Variants in POT1 observed in about 807,000 individuals in gnomAD.
The protein encoded by POT1 is protection of telomeres protein 1.
POT1 carries 47 observed loss-of-function variants against 78.5 expected under a neutral mutation model. That is an observed-to-expected ratio of 0.60 (90% CI 0.47 to 0.76). POT1 has a LOEUF of 0.76. POT1 is among the 30% of genes least tolerant of loss of function. The pLI is 0.00. For missense variants in POT1, 646 were observed against 749.9 expected (o/e 0.86, Z 1.62); for synonymous variants, 259 against 260.7 (o/e 0.99, Z 0.06).
chr7:124,846,972 C>T lies in POT1; in HGVS notation c.976G>A (p.Val326Ile), dbSNP rs1407472208. 1.9e-6 allele frequency: 3 copies of T among 1,605,984 alleles called. No individual in the cohort carries two copies. Among genetic ancestry groups the T allele is most frequent in the African/African-American group, 1.3e-5 (1 of 74,828 alleles). Reference protein sequence around the residue: ...PSSGSVSLYEVERCQQLSATI... With the variant: ...PSSGSVSLYEIERCQQLSATI... ...GCAGATAGCTGTTGACATCTTTCTA[C>T]CTCGTATAATGATACTGATCCAGAG... Residue 326 changes from valine (V) to isoleucine (I), a missense_variant, in exon 12 of 19, where the codon GTA becomes ATA. Physicochemically the swap from Val to Ile is conservative, Grantham distance 29. Transcript: ENST00000357628.
chr7:124,834,000 A>G (rs1051468061), intron 15 of POT1, among the ~76,000 whole-genome samples: 3 of 152,220 alleles, frequency 2.0e-5, no homozygotes, highest in African/African-American at 7.2e-5. Flanking sequence ...GACAAAAACA[A>G]GCAATGGGGA....
chr7:124,847,312 T>C (rs1312018704), intron 11 of POT1, among the ~76,000 whole-genome samples: 1 of 152,146 alleles, frequency 6.6e-6, no homozygotes, highest in Non-Finnish European at 1.5e-5. Flanking sequence ...CTGGCCAAAA[T>C]GGTGAAACCC....
At chr7:124,900,879 C>A (rs775024788) in intron 3 of POT1, 1 of 355,394 alleles carries the variant, frequency 2.8e-6, no homozygotes, top group South Asian at 2.2e-5. Context: ...AGGTCCCATG[C>A]CCACAGAGTT....
chr7:124,822,502 T>C lies in POT1; in HGVS notation c.*1460A>G. On this transcript the variant is annotated 3_prime_UTR_variant, in exon 19 of 19. Transcript: ENST00000357628. ...ACGTGGAGATCTTGCAGGCTCACAGTGTGAACATATGGCACCTTTGGACCT... is the reference window on the plus strand; with the variant it reads ...ACGTGGAGATCTTGCAGGCTCACAGCGTGAACATATGGCACCTTTGGACCT... The C allele has an allele frequency of 2.2e-6, 1 of 453,388 alleles. No individual in the cohort carries two copies. 28.1% of individuals were successfully genotyped at this position (453,388 alleles called of 1,614,324 possible). A position where few individuals can be genotyped will look rare whatever the true frequency, so the allele number is the denominator to read the frequency against.
chr7:124,877,024 T>A (rs1796005803), intron 6 of POT1, among the ~76,000 whole-genome samples: 1 of 152,148 alleles, frequency 6.6e-6, no homozygotes, highest in African/African-American at 2.4e-5. Context: ...GATGCAGTCT[T>A]CCAATTAAAA....
chr7:124,897,287 A>G, intron 4 of POT1, 75 bp from the exon 5 acceptor site: 2 of 509,426 alleles, frequency 3.9e-6, no homozygotes, highest in Non-Finnish European at 6.9e-6. Context: ...AGTTGTAGTA[A>G]AAGTACACAC....
At position 124,870,899 on chromosome 7, in the gene POT1, T is replaced by C. The variant is rs778962103; in HGVS notation, c.255+12A>G. 2 of 1,594,620 alleles carry C rather than the reference T, an allele frequency of 1.3e-6. No homozygotes were observed. Among genetic ancestry groups the C allele is most frequent in the South Asian group, 1.1e-5 (1 of 87,912 alleles). On this transcript the variant is annotated intron_variant, in intron 7 of 18. Transcript: ENST00000357628. ...TCAAATAAATATAAGTTCTAGACAA[T>C]ATGAATTATACCTTCAGCCTGTGAA...
chr7:124,840,964 A>G lies in POT1; in HGVS notation c.1369+9T>C, dbSNP rs1795011951. On this transcript the variant is annotated intron_variant, in intron 14 of 18. Coordinates refer to ENST00000357628, the MANE Select transcript of POT1 (RefSeq NM_015450.3). ...GTATTCTAACAAAACAGTGACTTAA[A>G]TATCTTACCTTCTATCAAAAGTAGA... 6.3e-7 allele frequency: 1 copy of G among 1,577,826 alleles called. No homozygotes were observed. Among genetic ancestry groups the G allele is most frequent in the African/African-American group, 1.4e-5 (1 of 74,056 alleles).
chr7:124,921,158 C>T (rs1797139720), intron 2 of POT1, among the ~76,000 whole-genome samples: 1 of 151,746 alleles, frequency 6.6e-6, no homozygotes, highest in Non-Finnish European at 1.5e-5. Context: ...TAAGTAAGAA[C>T]AAAAATAAAA....
chr7:124,832,970 TAGAG>T (rs1401495349), intron 15 of POT1, among the ~76,000 whole-genome samples: 1 of 151,420 alleles, frequency 6.6e-6, no homozygotes, highest in Non-Finnish European at 1.5e-5. Context: ...CAAGGCAAAA[TAGAG>T]AGAAAGGGGA....
intron 11 of POT1, among the ~76,000 whole-genome samples, chr7:124,851,607 G>A (rs1795307604): frequency 6.6e-6 from 1 of 152,154 alleles, no homozygotes; most frequent in African/African-American, 2.4e-5. Context: ...AATCAATACA[G>A]ATTTTCTTGT....
rs550056711 is a variant in POT1, at chr7:124,855,218, C to CAAAAAAAAAAAAAAAAAAAAAAAAAAA, written c.703-2081_703-2080insTTTTTTTTTTTTTTTTTTTTTTTTTTT. Among the ~76,000 whole-genome samples the CAAAAAAAAAAAAAAAAAAAAAAAAAAA allele has an allele frequency of 1.7e-4, 9 of 52,490 alleles. 2 individuals carry two copies. The highest frequency in any genetic ancestry group is 2.4e-4 in the African/African-American group (3 of 12,736). 34.4% of individuals were successfully genotyped at this position (52,490 alleles called of 152,430 possible). On this transcript the variant is annotated intron_variant, in intron 9 of 18. Coordinates refer to ENST00000357628, the MANE Select transcript of POT1 (RefSeq NM_015450.3). ...ACATATGGAGACACAGAGAGGAGAGCAAAAAAAAAAAAAAAAAAAAAAAAA... is the reference window on the plus strand; with the variant it reads ...ACATATGGAGACACAGAGAGGAGAGCAAAAAAAAAAAAAAAAAAAAAAAAAAAAAAAAAAAAAAAAAAAAAAAAAAAA...
intron 3 of POT1, among the ~76,000 whole-genome samples, chr7:124,906,032 T>C (rs1038468242): frequency 1.3e-5 from 2 of 152,196 alleles, no homozygotes; most frequent in African/African-American, 4.8e-5. Flanking sequence ...ACTTTTACAC[T>C]GTTGGTGGGA....
At chr7:124,887,236 T>C (rs563165416) in intron 6 of POT1, among the ~76,000 whole-genome samples, 4 of 152,094 alleles carry the variant, frequency 2.6e-5, no homozygotes, top group Admixed American at 6.6e-5. Flanking sequence ...ATTTGAAAAA[T>C]AGGTCTTCAA....
intron 8 of POT1, among the ~76,000 whole-genome samples, chr7:124,860,436 T>C (rs1033199342): frequency 2.6e-5 from 4 of 152,212 alleles, no homozygotes; most frequent in African/African-American, 9.6e-5. Flanking sequence ...ATTTTTCTAC[T>C]GTATTCTCAT....
At chr7:124,913,111 T>C (rs1300998283) in intron 3 of POT1, among the ~76,000 whole-genome samples, 3 of 152,084 alleles carry the variant, frequency 2.0e-5, no homozygotes, top group Non-Finnish European at 4.4e-5. Context: ...TGAAACTCCT[T>C]CACTATCATG....
chr7:124,845,045 C>T lies in POT1; in HGVS notation c.1006+1897G>A, dbSNP rs188899950. Among the ~76,000 whole-genome samples, 9 of 152,230 alleles carry T rather than the reference C, an allele frequency of 5.9e-5. No individual in the cohort carries two copies. In the East Asian group the frequency reaches 1.7e-3, roughly 29 times the overall value. ...AGAATAACTACCAGACATTATGCCT[C>T]CTTTCCTCTAAATCCTCCAGTATGT... On this transcript the variant is annotated intron_variant, in intron 12 of 18. Transcript: ENST00000357628.
Position 124,829,338 on chromosome 7 carries a change from T to C in POT1, c.1510A>G (p.Lys504Glu), listed in dbSNP as rs763189486. The C allele has an allele frequency of 6.5e-7, 1 of 1,549,568 alleles. No individual in the cohort carries two copies. The highest frequency in any genetic ancestry group is 8.9e-7 in the Non-Finnish European group (1 of 1,129,488). ...ATGGATCTCAAACTAGAACACTGTT[T>C]ACATCTGAAATTTATAAAAGAAAGA... ...IQGTIHHYGCKQCSSLRSIQN... is the reference protein window; with the variant it reads ...IQGTIHHYGCEQCSSLRSIQN... Residue 504 changes from lysine to glutamate, a missense_variant, in exon 16 of 19, where the codon AAA (lysine) becomes GAA (glutamate). By Grantham distance (56) the Lys-to-Glu change is moderately conservative. Coordinates refer to ENST00000357628, the MANE Select transcript of POT1 (RefSeq NM_015450.3).
rs183982392 is a variant in POT1, at chr7:124,918,612, A to G, written c.-226-2966T>C. 3.8e-4 allele frequency among the ~76,000 whole-genome samples: 58 copies of G among 152,264 alleles called. 1 individual carries two copies. The Middle Eastern group carries it at 0.014, about 36-fold the overall frequency. On this transcript the variant is annotated intron_variant, in intron 2 of 18. Transcript: ENST00000357628. ...GGAAATTTGTCCCTGCCCTTGTTGA[A>G]GTGAGCAAAGAAAACTGGAACCTGA...
Sources: allele counts gnomAD v4.1 joint callset (sites outside exome capture counted in the v4.1 genomes callset), GRCh38; gene constraint gnomAD v4.1.1; transcripts MANE v1.5; gene names NCBI Gene and HGNC (gene_info 2026-07-23, HGNC 2026-07-21).